Variants in NUP37 observed in about 807,000 individuals in gnomAD.
NUP37 encodes nucleoporin 37.
NUP37 carries 33 observed loss-of-function variants against 45.4 expected under a neutral mutation model. The observed-to-expected ratio is 0.73, with a 90% confidence interval of 0.55 to 0.97. NUP37 has a LOEUF of 0.97. NUP37 is among the 50% of genes least tolerant of loss of function. NUP37 has a pLI of 0.00. For synonymous variants in NUP37, 127 were observed against 130.7 expected (o/e 0.97, Z 0.19); for missense variants, 365 against 389.7 (o/e 0.94, Z 0.53).
intron 6 of NUP37, among the ~76,000 whole-genome samples, chr12:102,081,714 TA>T (rs1879337167): frequency 6.6e-6 from 1 of 151,828 alleles, no homozygotes; most frequent in Non-Finnish European, 1.5e-5. Flanking sequence ...TTCATTTAGC[TA>T]TTTTTTTTTT....
chr12:102,080,303 T>C (rs998581947), intron 6 of NUP37, among the ~76,000 whole-genome samples: 1 of 152,194 alleles, frequency 6.6e-6, no homozygotes, highest in African/African-American at 2.4e-5. Context: ...GCACTTGTAG[T>C]CCCAGATACT....
At chr12:102,101,189 T>G in intron 3 of NUP37, 85 bp from the exon 4 acceptor site, 2 of 639,870 alleles carry the variant, frequency 3.1e-6, no homozygotes, top group Non-Finnish European at 5.4e-6. Context: ...TCCCTTCAGA[T>G]CACTGAAGCT....
intron 2 of NUP37, among the ~76,000 whole-genome samples, chr12:102,114,033 T>C (rs1880391069): frequency 6.6e-6 from 1 of 152,224 alleles, no homozygotes; most frequent in Admixed American, 6.5e-5. Flanking sequence ...AATACACTTA[T>C]CAAGGAAAGA....
chr12:102,093,826 G>A (rs1397334645), intron 5 of NUP37, among the ~76,000 whole-genome samples: 2 of 151,956 alleles, frequency 1.3e-5, no homozygotes, highest in Non-Finnish European at 2.9e-5. Flanking sequence ...AACCACATGA[G>A]GGCCACATAA....
chr12:102,117,046 G>A (rs1880484321), intron 2 of NUP37, among the ~76,000 whole-genome samples: 1 of 152,090 alleles, frequency 6.6e-6, no homozygotes. Context: ...CAGTAAAGGA[G>A]GAAATAACAT....
chr12:102,117,519 T>C (rs1880499688), intron 2 of NUP37, among the ~76,000 whole-genome samples: 1 of 152,190 alleles, frequency 6.6e-6, no homozygotes, highest in Non-Finnish European at 1.5e-5. Flanking sequence ...TGAACCTTCA[T>C]TGTTCCAAGT....
chr12:102,102,713 C>T (rs1454505183), intron 3 of NUP37, among the ~76,000 whole-genome samples: 2 of 152,142 alleles, frequency 1.3e-5, no homozygotes, highest in South Asian at 4.1e-4. Flanking sequence ...CTGTTTTCTT[C>T]TAGCCATTTT....
intron 5 of NUP37, among the ~76,000 whole-genome samples, chr12:102,089,940 T>C (rs759571743): frequency 2.6e-4 from 40 of 152,178 alleles, no homozygotes; most frequent in Non-Finnish European, 4.9e-4. Context: ...TTAGTGAATA[T>C]AGATACCCAC....
chr12:102,076,675 C>A (rs2136710697), intron 8 of NUP37, 122 bp downstream of exon 8: 1 of 717,468 alleles, frequency 1.4e-6, no homozygotes, highest in East Asian at 2.8e-5. Flanking sequence ...AAAATAACCA[C>A]TTATAAAACA....
intron 8 of NUP37, 56 bp downstream of exon 8, chr12:102,076,741 G>T: frequency 7.0e-7 from 1 of 1,432,072 alleles, no homozygotes; most frequent in Non-Finnish European, 9.8e-7. Flanking sequence ...TATCCCAGTG[G>T]TGGCACAGCA....
At chr12:102,110,618 G>T (rs944480420) in intron 3 of NUP37, among the ~76,000 whole-genome samples, 2 of 152,154 alleles carry the variant, frequency 1.3e-5, no homozygotes, top group African/African-American at 4.8e-5. Context: ...CAAGGCACAT[G>T]GATTGCCTGA....
At chr12:102,076,884 T>C in intron 7 of NUP37, 37 bp from the exon 8 acceptor site, 2 of 1,498,476 alleles carry the variant, frequency 1.3e-6, no homozygotes, top group East Asian at 4.6e-5. Flanking sequence ...GAATTATGTG[T>C]TAAACTCAAG....
rs535955742 is a variant in NUP37 at position 102,089,724 on chromosome 12, C to T, written c.450-3868G>A. Reference sequence around the variant, plus strand: ...CTCCTCACTTCCCAGACGAGGCGGCCGGGCAGAGGCGCTCCTCACTTCCCA... The same window carrying T: ...CTCCTCACTTCCCAGACGAGGCGGCTGGGCAGAGGCGCTCCTCACTTCCCA... On this transcript the variant is annotated intron_variant, in intron 5 of 9. Coordinates refer to ENST00000552283, the MANE Select transcript of NUP37 (RefSeq NM_024057.4). 1.1e-4 allele frequency among the ~76,000 whole-genome samples: 16 copies of T among 150,410 alleles called. No homozygotes were observed. In the East Asian group the frequency reaches 1.4e-3, roughly 13 times the overall value.
chr12:102,111,809 AT>A (rs1594400904), intron 3 of NUP37, among the ~76,000 whole-genome samples: 1 of 152,188 alleles, frequency 6.6e-6, no homozygotes, highest in African/African-American at 2.4e-5. Flanking sequence ...TATACTTTCA[AT>A]AAAGTTGTAA....
At chr12:102,095,258 T>G (rs1264751656) in intron 5 of NUP37, among the ~76,000 whole-genome samples, 4 of 152,072 alleles carry the variant, frequency 2.6e-5, no homozygotes, top group African/African-American at 9.7e-5. Flanking sequence ...GAGATAATAA[T>G]TTTTTCTAAA....
chr12:102,099,119 C>A lies in NUP37; in HGVS notation c.436G>T (p.Asp146Tyr). 1.2e-6 allele frequency: 2 copies of A among 1,605,608 alleles called. No homozygotes were observed. The highest frequency in any genetic ancestry group is 1.7e-6 in the Non-Finnish European group (2 of 1,172,366). The change falls in exon 5 of 10, where the codon GAT becomes TAT. Residue 146 changes from aspartate to tyrosine, a missense_variant. Asp to Tyr is a radical substitution (Grantham distance 160). Coordinates refer to ENST00000552283, the MANE Select transcript of NUP37 (RefSeq NM_024057.4). ...TAAGCAACATACCTGCAGGTGTGAT[C>A]GTCACTCACACTTGCAATTTCTTGG... is the stretch of plus-strand genomic sequence containing the variant. ...EGQEIASVSD[D>Y]HTCRIWNLEG...
chr12:102,076,419 A>C (rs1171816509), intron 8 of NUP37, among the ~76,000 whole-genome samples: 1 of 152,234 alleles, frequency 6.6e-6, no homozygotes, highest in Non-Finnish European at 1.5e-5. Context: ...AACATGTCGC[A>C]GAGATATACT....
intron 2 of NUP37, 24 bp downstream of exon 2, chr12:102,118,339 T>C (rs1173571516): frequency 1.3e-6 from 2 of 1,598,234 alleles, no homozygotes. Context: ...TTCACTGTCA[T>C]TCGGTGCAGT....
In NUP37 at chr12:102,113,116, T is replaced by C. The variant is rs117970575; in HGVS notation, c.157-884A>G. On this transcript the variant is annotated intron_variant, in intron 2 of 9. Transcript: ENST00000552283. ...CCTGAAAAGTTCTCCCATTACAACA[T>C]TGCAAAAATTCAAATACAGACAAGC... Among the ~76,000 whole-genome samples the C allele has an allele frequency of 6.8e-3, 1,030 of 152,304 alleles. 12 individuals are homozygous for C. The highest frequency in any genetic ancestry group is 0.021 in the African/African-American group (865 of 41,574).
Sources: allele counts gnomAD v4.1 joint callset (sites outside exome capture counted in the v4.1 genomes callset), GRCh38; gene constraint gnomAD v4.1.1; transcripts MANE v1.5; gene names NCBI Gene and HGNC (gene_info 2026-07-23, HGNC 2026-07-21).